The following H3-3B variants were observed in gnomAD, a reference collection of about 807,000 sequenced individuals.
H3-3B encodes the protein H3.3 histone B.
Under a neutral mutation model 13.1 loss-of-function variants are expected in H3-3B, and 2 were observed. That is an observed-to-expected ratio of 0.15 (90% confidence interval 0.06 to 0.48). The LOEUF (loss-of-function observed/expected upper bound fraction) is 0.48, where lower values mean the gene tolerates loss of function less well. H3-3B is among the 20% of genes least tolerant of loss of function. The pLI is 0.97. For missense variants in H3-3B, 39 were observed against 186.0 expected (o/e 0.21, Z 4.60); for synonymous variants, 133 against 75.8 (o/e 1.76, Z -3.92).
In H3-3B at chr17:75,777,479, G is replaced by A. The variant is rs558584141; in HGVS notation, c.*1116C>T. The A allele has an allele frequency of 4.6e-5, 7 of 152,722 alleles. No homozygotes were observed. The East Asian group carries it at 1.3e-3, about 29-fold the overall frequency. 9.5% of individuals were successfully genotyped at this position (152,722 alleles called of 1,614,324 possible). On this transcript the variant is annotated 3_prime_UTR_variant, in exon 4 of 4. Coordinates refer to ENST00000254810, the MANE Select transcript of H3-3B (RefSeq NM_005324.5). Reference sequence around the variant, plus strand: ...CTTAGTTGGATAAACAAGTTTATTTGTAAATTTAGTCAACATACATAATTG... The same window carrying A: ...CTTAGTTGGATAAACAAGTTTATTTATAAATTTAGTCAACATACATAATTG...
Position 75,777,405 on chromosome 17 carries a change from G to A in H3-3B, c.*1190C>T, listed in dbSNP as rs2061643636. The A allele has an allele frequency of 6.6e-6, 1 of 152,616 alleles. No individual in the cohort carries two copies. Among genetic ancestry groups the A allele is most frequent in the Non-Finnish European group, 1.5e-5 (1 of 68,020 alleles). 9.5% of individuals were successfully genotyped at this position (152,616 alleles called of 1,614,324 possible). On this transcript the variant is annotated 3_prime_UTR_variant, in exon 4 of 4. Coordinates refer to ENST00000254810, the MANE Select transcript of H3-3B (RefSeq NM_005324.5). ...CAAAACATTAGTATACAAGGACCTA[G>A]ATAATGGGACATGTGAAAACTTAGT...
At chr17:75,779,481 G>C in intron 1 of H3-3B, 176 bp downstream of exon 1, 1 of 236,354 alleles carries the variant, frequency 4.2e-6, no homozygotes, top group Non-Finnish European at 8.1e-6. Context: ...ATCACCGCCG[G>C]GAAAAGGCGG....
In H3-3B at chr17:75,779,715, A is replaced by T. The variant is rs974441125; in HGVS notation, c.-69T>A. The stretch of plus-strand genomic sequence containing the variant: ...GCCGCGCCGCTTCCGCTGCCCGAGG[A>T]AGAGCCGCAGTCGACGAGCGAAAAA... On this transcript the variant is annotated 5_prime_UTR_variant, in exon 1 of 4. Coordinates refer to ENST00000254810, the MANE Select transcript of H3-3B (RefSeq NM_005324.5). 1 of 156,160 alleles carries T rather than the reference A, an allele frequency of 6.4e-6. No homozygotes were observed. The highest frequency in any genetic ancestry group is 1.5e-5 in the Non-Finnish European group (1 of 68,132). 9.7% of individuals were successfully genotyped at this position (156,160 alleles called of 1,614,324 possible).
Position 75,779,029 on chromosome 17 carries a change from T to A in H3-3B, c.128+18A>T, listed in dbSNP as rs368752239. 13 of 1,610,080 alleles carry A rather than the reference T, an allele frequency of 8.1e-6. No homozygotes were observed. The highest frequency in any genetic ancestry group is 1.3e-5 in the African/African-American group (1 of 74,372). On this transcript the variant is annotated intron_variant, in intron 2 of 3. Coordinates refer to ENST00000254810, the MANE Select transcript of H3-3B (RefSeq NM_005324.5). ...AAAGCCGGCCACCGCCGGGCCATTG[T>A]TCCCCCGCCCGACCTACCTGTAGCG...
At chr17:75,779,464 C>G (rs1198310459) in intron 1 of H3-3B, 193 bp downstream of exon 1, 1 of 272,428 alleles carries the variant, frequency 3.7e-6, no homozygotes, top group African/African-American at 2.2e-5. Context: ...GGCGTCGGGA[C>G]CTCTGAATCA....
intron 1 of H3-3B, chr17:75,779,408 G>T: frequency 2.6e-6 from 1 of 386,000 alleles, no homozygotes; most frequent in Non-Finnish European, 4.5e-6. Context: ...GCGGGGAGGA[G>T]TCACTTCCCT....
At chr17:75,779,277 G>C (rs574248805) in intron 1 of H3-3B, 93 bp from the exon 2 acceptor site, 3 of 1,261,150 alleles carry the variant, frequency 2.4e-6, no homozygotes, top group East Asian at 3.1e-5. Context: ...CCCCACCGCC[G>C]GGCCTCCCGC....
rs545389058 is a variant in H3-3B, at chr17:75,779,020, G to A, written c.128+27C>T. 71 of 1,611,826 alleles carry A rather than the reference G, an allele frequency of 4.4e-5. 1 individual carries two copies. In the South Asian group the frequency reaches 6.7e-4, roughly 15 times the overall value. ...CTGCCGCACAAAGCCGGCCACCGCCGGGCCATTGTTCCCCCGCCCGACCTA... is the reference window on the plus strand; with the variant it reads ...CTGCCGCACAAAGCCGGCCACCGCCAGGCCATTGTTCCCCCGCCCGACCTA... On this transcript the variant is annotated intron_variant, in intron 2 of 3. Transcript: ENST00000254810.
Position 75,778,743 on chromosome 17 carries a change from C to T in H3-3B, c.283-20G>A, listed in dbSNP as rs1264545200. 3 of 1,614,166 alleles carry T rather than the reference C, an allele frequency of 1.9e-6. No individual in the cohort carries two copies. The Admixed American group carries it at 5.0e-5, about 27-fold the overall frequency. Reference sequence around the variant, plus strand: ...AGCCTCCTGTTGAGGACGAGAGCCGCACTATTAATCCCACTCGGGGAGCGG... The same window carrying T: ...AGCCTCCTGTTGAGGACGAGAGCCGTACTATTAATCCCACTCGGGGAGCGG... On this transcript the variant is annotated intron_variant, in intron 3 of 3. Transcript: ENST00000254810.
intron 1 of H3-3B, 147 bp from the exon 2 acceptor site, chr17:75,779,331 C>T (rs2143631992): frequency 8.7e-6 from 7 of 806,370 alleles, no homozygotes; most frequent in Middle Eastern, 4.2e-4. Context: ...CGAGGGCCGC[C>T]AACCTCCTCC....
At position 75,778,118 on chromosome 17, in the gene H3-3B, CTTTTT is replaced by C. The variant is rs535901088; in HGVS notation, c.*472_*476del. ...GTGTATTCTATAGCTGCCAGGTTTA[CTTTTT>C]TTTTTTTTAAAGGAAACTGTAAGTT... On this transcript the variant is annotated 3_prime_UTR_variant, in exon 4 of 4. Coordinates refer to ENST00000254810, the MANE Select transcript of H3-3B (RefSeq NM_005324.5). 1 of 146,060 alleles carries C rather than the reference CTTTTT, an allele frequency of 6.8e-6. No homozygotes were observed. Among genetic ancestry groups the C allele is most frequent in the Non-Finnish European group, 1.5e-5 (1 of 65,978 alleles). 9.0% of individuals were successfully genotyped at this position (146,060 alleles called of 1,614,324 possible).
rs1005237395 is a variant in H3-3B, at chr17:75,777,263, A to G, written c.*1332T>C. 6.6e-6 allele frequency: 1 copy of G among 152,240 alleles called. No individual in the cohort carries two copies. The highest frequency in any genetic ancestry group is 1.5e-5 in the Non-Finnish European group (1 of 68,034). 9.4% of individuals were successfully genotyped at this position (152,240 alleles called of 1,614,324 possible). On this transcript the variant is annotated 3_prime_UTR_variant, in exon 4 of 4. Transcript: ENST00000254810. ...TACTTTGTCTTAGCCCACACTGCAA[A>G]TACAGCACTATTATGGCATCTTAAT...
chr17:75,778,311 T>G lies in H3-3B; in HGVS notation c.*284A>C. 4.8e-6 allele frequency: 2 copies of G among 419,076 alleles called. No individual in the cohort carries two copies. The highest frequency in any genetic ancestry group is 8.7e-6 in the Non-Finnish European group (2 of 229,958). The allele number at this position is 419,076 out of a possible 1,614,324, so 26.0% of individuals were successfully genotyped here. A position where few individuals can be genotyped will look rare whatever the true frequency, so the allele number is the denominator to read the frequency against. On this transcript the variant is annotated 3_prime_UTR_variant, in exon 4 of 4. Transcript: ENST00000254810. ...TACACATTTATCAACTCTAGTACCT[T>G]AATAGCTACCCAACAAGTCATTAAC...
rs1203474020 is a variant in H3-3B at position 75,777,904 on chromosome 17, A to C, written c.*691T>G. 1.3e-5 allele frequency: 2 copies of C among 152,650 alleles called. No homozygotes were observed. The highest frequency in any genetic ancestry group is 2.9e-5 in the Non-Finnish European group (2 of 68,040). 9.5% of individuals were successfully genotyped at this position (152,650 alleles called of 1,614,324 possible). A position where few individuals can be genotyped will look rare whatever the true frequency, so the allele number is the denominator to read the frequency against. ...AGGGTTAACATGTGGTAGAATGAGG[A>C]CTTATGCAAGGTATAAATGCGCATA... is the stretch of plus-strand genomic sequence containing the variant. On this transcript the variant is annotated 3_prime_UTR_variant, in exon 4 of 4. Transcript: ENST00000254810.
At position 75,777,415 on chromosome 17, in the gene H3-3B, C is replaced by T. The variant is rs1356799738; in HGVS notation, c.*1180G>A. 1 of 152,614 alleles carries T rather than the reference C, an allele frequency of 6.6e-6. No homozygotes were observed. Among genetic ancestry groups the T allele is most frequent in the African/African-American group, 2.4e-5 (1 of 41,426 alleles). The allele number at this position is 152,614 out of a possible 1,614,324, so 9.5% of individuals were successfully genotyped here. ...GTATACAAGGACCTAGATAATGGGA[C>T]ATGTGAAAACTTAGTACATTCAATT... On this transcript the variant is annotated 3_prime_UTR_variant, in exon 4 of 4. Transcript: ENST00000254810.
rs2061650851 is a variant in H3-3B at position 75,778,615 on chromosome 17, T to G, written c.391A>C (p.Ile131Leu). The G allele has an allele frequency of 3.1e-6, 5 of 1,614,136 alleles. No individual in the cohort carries two copies. The highest frequency in any genetic ancestry group is 1.3e-5 in the African/African-American group (1 of 75,050). The change falls in exon 4 of 4, where the codon ATA (isoleucine) becomes CTA (leucine). Residue 131 changes from isoleucine to leucine, a missense_variant. Transcript: ENST00000254810. ...TTCACTTAAGCTCTCTCTCCCCGTA[T>G]CCGGCGAGCCAACTGGATGTCTTTG... is the stretch of plus-strand genomic sequence containing the variant. ...MPKDIQLARR[I>L]RGERA
At position 75,778,916 on chromosome 17, in the gene H3-3B, G is replaced by A; in HGVS notation, c.176C>T (p.Thr59Ile). The A allele has an allele frequency of 6.2e-7, 1 of 1,614,154 alleles. No homozygotes were observed. Among genetic ancestry groups the A allele is most frequent in the Non-Finnish European group, 8.5e-7 (1 of 1,180,036 alleles). ...GGGCAGCTTCCGGATGAGCAGCTCG[G>A]TCGACTTCTGATAACGACGAATCTC... Reference protein sequence around the residue: ...LREIRRYQKSTELLIRKLPFQ... With the variant: ...LREIRRYQKSIELLIRKLPFQ... The change falls in exon 3 of 4, where the codon ACC becomes ATC. Residue 59 changes from threonine (T) to isoleucine (I), a missense_variant. Coordinates refer to ENST00000254810, the MANE Select transcript of H3-3B (RefSeq NM_005324.5).
At position 75,777,375 on chromosome 17, in the gene H3-3B, A is replaced by G. The variant is rs929854598; in HGVS notation, c.*1220T>C. 1.3e-5 allele frequency: 2 copies of G among 152,644 alleles called. No homozygotes were observed. The highest frequency in any genetic ancestry group is 2.9e-5 in the Non-Finnish European group (2 of 68,038). The allele number at this position is 152,644 out of a possible 1,614,324, so 9.5% of individuals were successfully genotyped here. A position where few individuals can be genotyped will look rare whatever the true frequency, so the allele number is the denominator to read the frequency against. ...CACCAAACAACACCTGAAATGATCT[A>G]AGTTCAAAACATTAGTATACAAGGA... On this transcript the variant is annotated 3_prime_UTR_variant, in exon 4 of 4. Coordinates refer to ENST00000254810, the MANE Select transcript of H3-3B (RefSeq NM_005324.5).
rs1032711929 is a variant in H3-3B, at chr17:75,776,548, T to TCC, written c.*2045_*2046dup. On this transcript the variant is annotated 3_prime_UTR_variant, in exon 4 of 4. Transcript: ENST00000254810. Reference sequence around the variant, plus strand: ...GCTCCTTTACCCTTACCGAGGGATATCCCATACAGGAAGCCGCCTACAACC... The same window carrying TCC: ...GCTCCTTTACCCTTACCGAGGGATATCCCCCATACAGGAAGCCGCCTACAACC... 7 of 152,358 alleles carry TCC rather than the reference T, an allele frequency of 4.6e-5. No homozygotes were observed. Among genetic ancestry groups the TCC allele is most frequent in the African/African-American group, 1.7e-4 (7 of 41,586 alleles). 9.4% of individuals were successfully genotyped at this position (152,358 alleles called of 1,614,324 possible).
Sources: gnomAD v4.1 joint callset for allele counts on GRCh38, gnomAD v4.1.1 for gene constraint, MANE v1.5 for transcripts, NCBI Gene and HGNC (gene_info 2026-07-23, HGNC 2026-07-21) for gene names.